Variants in FMR1 observed in about 807,000 individuals in gnomAD.
FMR1 encodes fragile X messenger ribonucleoprotein 1, also known as FMRP translational regulator 1.
In FMR1, 13 loss-of-function variants were observed where a neutral mutation model predicts 50.6. The observed-to-expected ratio is 0.26, with a 90% confidence interval of 0.17 to 0.41. The LOEUF is 0.41. Ranked by LOEUF, FMR1 falls within the 10% of genes least tolerant of loss-of-function variation. FMR1 has a pLI of 1.00. For synonymous variants in FMR1, 138 were observed against 164.1 expected (o/e 0.84, Z 1.22); for missense variants, 316 against 491.3 (o/e 0.64, Z 3.37).
intron 2 of FMR1, chrX:147,924,903 A>C: frequency 9.0e-6 from 1 of 110,748 alleles, no homozygotes; most frequent in South Asian, 3.9e-4. Context: ...AACATAGGCA[A>C]CTTAAACTCC....
intron 1 of FMR1, among the ~76,000 whole-genome samples, chrX:147,918,524 CATCCGGAAATG>C (rs1377676484): frequency 6.5e-5 from 6 of 92,002 alleles, no homozygotes. Flanking sequence ...ATCCGGAAAT[CATCCGGAAATG>C]CATTCAGAGC....
At chrX:147,929,588 TAAAAA>T (rs200443574) in intron 5 of FMR1, among the ~76,000 whole-genome samples, 1 of 98,892 alleles carries the variant, frequency 1.0e-5, no homozygotes, top group Non-Finnish European at 2.1e-5. Flanking sequence ...AACTAAAAAT[TAAAAA>T]AAAAGGAAAA....
rs1557176564 is a variant in FMR1 at position 147,921,915 on chromosome X, A to G, written c.52-18A>G. On this transcript the variant is annotated intron_variant, in intron 1 of 16. Coordinates refer to ENST00000370475, the MANE Select transcript of FMR1 (RefSeq NM_002024.6). ...ATCTTTAAGCTCACAAGTTAATTTA[A>G]CGTTTTTTCTTACACAGGCATTTGT... The G allele has an allele frequency of 1.8e-6, 2 of 1,107,884 alleles. No homozygotes were observed. Among genetic ancestry groups the G allele is most frequent in the East Asian group, 6.0e-5 (2 of 33,292 alleles). 91.3% of individuals were successfully genotyped at this position (1,107,884 alleles called of 1,213,427 possible). A position where few individuals can be genotyped will look rare whatever the true frequency, so the allele number is the denominator to read the frequency against.
At chrX:147,947,596 GC>G (rs1469891852) in intron 16 of FMR1, 1 of 109,266 alleles carries the variant, frequency 9.2e-6, no homozygotes, top group African/African-American at 3.3e-5. Context: ...TATAGTCCCA[GC>G]TACTCAGGAG....
rs782715138 is a variant in FMR1, at chrX:147,948,777, G to A, written c.1832G>A (p.Arg611His). 3.3e-6 allele frequency: 4 copies of A among 1,211,303 alleles called. No homozygotes were observed. The highest frequency in any genetic ancestry group is 1.8e-5 in the South Asian group (1 of 56,982). ...EGSRLRTGKDRNQKKEKPDSV... is the reference protein window; with the variant it reads ...EGSRLRTGKDHNQKKEKPDSV... ...AGTCGGCTGCGCACGGGTAAAGATC[G>A]TAACCAGAAGAAAGAGAAGCCAGAC... is the stretch of plus-strand genomic sequence containing the variant. The change falls in exon 17 of 17, where the codon CGT (arginine) becomes CAT (histidine). Residue 611 changes from arginine (R) to histidine (H), a missense_variant. By Grantham distance (29) the Arg-to-His change is conservative. This residue lies in a region of FMR1 where 124 missense variants were observed against 160.8 expected (regional missense o/e 0.77). Transcript: ENST00000370475.
Position 147,950,419 on chromosome X carries a change from A to C in FMR1, c.*1575A>C, listed in dbSNP as rs2044291000. On this transcript the variant is annotated 3_prime_UTR_variant, in exon 17 of 17. Transcript: ENST00000370475. Reference sequence around the variant, plus strand: ...GAATGTATAGTATTTGAAAACAGAAATTGGTACCTTGCACACATCATCTGT... The same window carrying C: ...GAATGTATAGTATTTGAAAACAGAACTTGGTACCTTGCACACATCATCTGT... 3.0e-6 allele frequency: 1 copy of C among 328,195 alleles called. No homozygotes were observed. Among genetic ancestry groups the C allele is most frequent in the African/African-American group, 2.6e-5 (1 of 37,754 alleles). The allele number at this position is 328,195 out of a possible 1,213,427, so 27.0% of individuals were successfully genotyped here. A position where few individuals can be genotyped will look rare whatever the true frequency, so the allele number is the denominator to read the frequency against.
Position 147,945,520 on chromosome X carries a change from A to G in FMR1, c.1655-14A>G. On this transcript the variant is annotated splice_polypyrimidine_tract_variant and intron_variant, in intron 15 of 16. Transcript: ENST00000370475. ...AATCAGTAACTGTTGAACCTTTTGA[A>G]AATATTCTCATAGGAAACGACGATC... 1 of 1,186,595 alleles carries G rather than the reference A, an allele frequency of 8.4e-7. No homozygotes were observed. The highest frequency in any genetic ancestry group is 1.1e-6 in the Non-Finnish European group (1 of 872,622).
At chrX:147,946,499 T>G (rs2124577879) in intron 16 of FMR1, among the ~76,000 whole-genome samples, 1 of 112,164 alleles carries the variant, frequency 8.9e-6, no homozygotes, top group South Asian at 3.7e-4. Context: ...ATTTTAAAAT[T>G]ATCTCCTGAG....
intron 10 of FMR1, 77 bp from the exon 11 acceptor site, chrX:147,937,389 T>C (rs1373455000): frequency 4.7e-6 from 3 of 633,738 alleles, no homozygotes; most frequent in Non-Finnish European, 7.9e-6. Flanking sequence ...ATATGATGAT[T>C]GATAACACTA....
rs2042943978 is a variant in FMR1 at position 147,917,700 on chromosome X, T to A, written c.52-4233T>A. Among the ~76,000 whole-genome samples, 3 of 112,075 alleles carry A rather than the reference T, an allele frequency of 2.7e-5. No individual in the cohort carries two copies. The Admixed American group carries it at 2.8e-4, about 11-fold the overall frequency. On this transcript the variant is annotated intron_variant, in intron 1 of 16. Coordinates refer to ENST00000370475, the MANE Select transcript of FMR1 (RefSeq NM_002024.6). ...CTGTGTCTCTTATAAAATATGACAC[T>A]CTCTACTTTTCTCTCATTTATTTAG...
chrX:147,941,330 T>G (rs1016368812), intron 13 of FMR1, among the ~76,000 whole-genome samples: 3 of 112,111 alleles, frequency 2.7e-5, no homozygotes, highest in Non-Finnish European at 5.6e-5. Flanking sequence ...ACTAGATGCT[T>G]CTTGAAATTC....
At chrX:147,945,677 A>G (rs374110176) in intron 16 of FMR1, 61 bp downstream of exon 16, 1 of 837,250 alleles carries the variant, frequency 1.2e-6, no homozygotes. Context: ...GAGATTTATG[A>G]GTTTATTTTA....
chrX:147,947,156 G>C (rs1475565917), intron 16 of FMR1: 4 of 107,922 alleles, frequency 3.7e-5, no homozygotes, highest in Non-Finnish European at 7.7e-5. Context: ...CACGCCTGTA[G>C]TCCCAGCGCT....
At chrX:147,915,613 T>G in intron 1 of FMR1, among the ~76,000 whole-genome samples, 1 of 111,562 alleles carries the variant, frequency 9.0e-6, no homozygotes, top group Non-Finnish European at 1.9e-5. Context: ...AAATTATTAA[T>G]TAGATGCAAC....
At chrX:147,915,386 T>C (rs1602913682) in intron 1 of FMR1, among the ~76,000 whole-genome samples, 1 of 111,748 alleles carries the variant, frequency 8.9e-6, no homozygotes, top group Non-Finnish European at 1.9e-5. Context: ...GTAAATAAAC[T>C]TGCACTCGTG....
intron 9 of FMR1, 75 bp from the exon 10 acceptor site, chrX:147,936,429 A>C: frequency 1.6e-6 from 1 of 613,382 alleles, no homozygotes; most frequent in Non-Finnish European, 2.8e-6. Flanking sequence ...TGAATGTAAT[A>C]GTTTACAGTA....
intron 2 of FMR1, among the ~76,000 whole-genome samples, chrX:147,924,446 G>A (rs1322111851): frequency 9.5e-6 from 1 of 105,359 alleles, no homozygotes; most frequent in Non-Finnish European, 1.9e-5. Context: ...TTTTTGCAAA[G>A]TTTGTCTTTC....
chrX:147,928,060 T>G (rs1214059117), intron 3 of FMR1: 1 of 296,913 alleles, frequency 3.4e-6, no homozygotes, highest in East Asian at 5.4e-5. Context: ...TTCAGAGCAC[T>G]AATTATTGCT....
Position 147,929,926 on chromosome X carries a change from A to AT in FMR1, c.420-11dup, listed in dbSNP as rs782218323. 4,334 of 911,620 alleles carry AT rather than the reference A, an allele frequency of 4.8e-3. 3 individuals carry two copies. Among genetic ancestry groups the AT allele is most frequent in the African/African-American group, 0.016 (767 of 49,322 alleles). The allele number at this position is 911,620 out of a possible 1,213,427, so 75.1% of individuals were successfully genotyped here. A position where few individuals can be genotyped will look rare whatever the true frequency, so the allele number is the denominator to read the frequency against. On this transcript the variant is annotated intron_variant, in intron 5 of 16. Transcript: ENST00000370475. ...CAGTAGTTGGTAATTATTCATCTTA[A>AT]TTTTTTTTTTTAAATTTCTAGGTGT...
Sources: gnomAD v4.1 joint callset for allele counts (sites outside exome capture counted in the v4.1 genomes callset) on GRCh38, gnomAD v4.1.1 for gene constraint, gnomAD v4.1.1 regional missense constraint, MANE v1.5 for transcripts, NCBI Gene and HGNC (gene_info 2026-07-23, HGNC 2026-07-21) for gene names.